The following SNX29 variants were observed in gnomAD, a reference collection of about 807,000 sequenced individuals.
SNX29 encodes the protein sorting nexin 29.
In SNX29, 78 loss-of-function variants were observed where a neutral mutation model predicts 102.1. The ratio of observed to expected loss-of-function variants is 0.76; its 90% CI spans 0.64 to 0.92. The LOEUF is 0.92. SNX29 is among the 40% of genes least tolerant of loss of function. The pLI is 0.00. For missense variants in SNX29, 1,280 were observed against 1,061.7 expected (o/e 1.21, Z -2.86); for synonymous variants, 580 against 414.5 (o/e 1.40, Z -4.85).
At chr16:12,085,353 G>A (rs981810538) in intron 11 of SNX29, among the ~76,000 whole-genome samples, 8 of 152,186 alleles carry the variant, frequency 5.3e-5, no homozygotes, top group Admixed American at 6.5e-5. Context: ...TTTGGACGGC[G>A]TCTCGCTCTG....
intron 14 of SNX29, among the ~76,000 whole-genome samples, chr16:12,247,212 A>T (rs770049753): frequency 4.6e-5 from 7 of 152,190 alleles, no homozygotes; most frequent in Non-Finnish European, 1.0e-4. Flanking sequence ...TATAGCAGTC[A>T]TCTTAGCAAG....
Position 12,030,833 on chromosome 16 carries a change from T to G in SNX29, c.247+3389T>G, listed in dbSNP as rs143389603. Among the ~76,000 whole-genome samples the G allele has an allele frequency of 4.2e-3, 647 of 152,310 alleles. 7 individuals are homozygous for G. The highest frequency in any genetic ancestry group is 0.015 in the African/African-American group (606 of 41,580). ...GTTCTACCTCTTATGCCGTGCTGTATGCCAGGGCTGACAGGCAGCGGCAGG... is the reference window on the plus strand; with the variant it reads ...GTTCTACCTCTTATGCCGTGCTGTAGGCCAGGGCTGACAGGCAGCGGCAGG... On this transcript the variant is annotated intron_variant, in intron 4 of 20. Transcript: ENST00000566228.
intron 20 of SNX29, chr16:12,545,431 G>C (rs1353076397): frequency 6.6e-6 from 1 of 152,282 alleles, no homozygotes; most frequent in Non-Finnish European, 1.5e-5. Context: ...CCACCCCTAG[G>C]ATTGTTCCTT....
chr16:12,008,513 C>T (rs1164422303), intron 3 of SNX29, among the ~76,000 whole-genome samples: 1 of 152,064 alleles, frequency 6.6e-6, no homozygotes, highest in Non-Finnish European at 1.5e-5. Context: ...AGGTGATCCT[C>T]CCGCCTCGGC....
chr16:12,311,407 A>G (rs2151136400), intron 15 of SNX29, among the ~76,000 whole-genome samples: 1 of 152,120 alleles, frequency 6.6e-6, no homozygotes. Flanking sequence ...GCCCATAGGG[A>G]CCTCCCAGGC....
chr16:12,250,516 C>T (rs2078390344), intron 14 of SNX29, among the ~76,000 whole-genome samples: 1 of 152,176 alleles, frequency 6.6e-6, no homozygotes, highest in South Asian at 2.1e-4. Context: ...CTGCAGGGCT[C>T]ATGAGCCTCT....
rs1288688165 is a variant in SNX29, at chr16:12,371,951, A to AG, written c.1899+15673dup. 3.3e-5 allele frequency among the ~76,000 whole-genome samples: 5 copies of AG among 152,160 alleles called. No homozygotes were observed. In the East Asian group the frequency reaches 9.6e-4, roughly 29 times the overall value. ...GCATTTTCACCATTTGTCTTTTAGAAGACATGGTTTAACATTTTTTCTAAG... is the reference window on the plus strand; with the variant it reads ...GCATTTTCACCATTTGTCTTTTAGAAGGACATGGTTTAACATTTTTTCTAAG... On this transcript the variant is annotated intron_variant, in intron 16 of 20. Transcript: ENST00000566228.
At chr16:12,281,941 G>A (rs1380395845) in intron 15 of SNX29, among the ~76,000 whole-genome samples, 5 of 151,966 alleles carry the variant, frequency 3.3e-5, no homozygotes, top group East Asian at 1.9e-4. Flanking sequence ...AAAATTAGCC[G>A]GTCATGGTGG....
At chr16:12,205,418 C>G (rs1420481954) in intron 14 of SNX29, among the ~76,000 whole-genome samples, 1 of 152,216 alleles carries the variant, frequency 6.6e-6, no homozygotes, top group Non-Finnish European at 1.5e-5. Flanking sequence ...CCAGTCCTGA[C>G]TTTTTGATGA....
At chr16:12,514,781 C>G (rs1487334595) in intron 19 of SNX29, among the ~76,000 whole-genome samples, 1 of 152,106 alleles carries the variant, frequency 6.6e-6, no homozygotes, top group Non-Finnish European at 1.5e-5. Flanking sequence ...AGGAGAATCA[C>G]TTGAACCGGG....
At chr16:12,448,521 A>G (rs1413302669) in intron 18 of SNX29, among the ~76,000 whole-genome samples, 2 of 145,592 alleles carry the variant, frequency 1.4e-5, no homozygotes, top group East Asian at 4.0e-4. Flanking sequence ...GACTGCAGTT[A>G]TTTTTCATGG....
intron 19 of SNX29, among the ~76,000 whole-genome samples, chr16:12,506,448 G>GA (rs2089383449): frequency 6.6e-6 from 1 of 152,210 alleles, no homozygotes; most frequent in Non-Finnish European, 1.5e-5. Context: ...ACAAGGCCAT[G>GA]AAGGGGATGT....
At chr16:12,390,914 A>G (rs1239856442) in intron 16 of SNX29, among the ~76,000 whole-genome samples, 1 of 151,666 alleles carries the variant, frequency 6.6e-6, no homozygotes, top group Middle Eastern at 3.2e-3. Flanking sequence ...AAAAACACTT[A>G]CTTAGAATGA....
chr16:12,433,074 G>A (rs2085380439), intron 18 of SNX29, among the ~76,000 whole-genome samples: 2 of 152,168 alleles, frequency 1.3e-5, no homozygotes, highest in Non-Finnish European at 2.9e-5. Context: ...GAGCCCCAGG[G>A]AAACAAAACC....
intron 13 of SNX29, among the ~76,000 whole-genome samples, chr16:12,181,235 G>A (rs1424562764): frequency 6.6e-6 from 1 of 152,246 alleles, no homozygotes; most frequent in African/African-American, 2.4e-5. Flanking sequence ...TGCTAAGGTT[G>A]AGGGCGTGCC....
At chr16:12,153,397 G>C (rs2055383104) in intron 13 of SNX29, among the ~76,000 whole-genome samples, 1 of 151,924 alleles carries the variant, frequency 6.6e-6, no homozygotes, top group South Asian at 2.1e-4. Context: ...GTACAGTCTG[G>C]AGGCCCCTGG....
chr16:12,483,125 T>TTTTTTTTG (rs1192636676), intron 19 of SNX29, among the ~76,000 whole-genome samples: 2 of 127,988 alleles, frequency 1.6e-5, no homozygotes, highest in African/African-American at 3.1e-5. Flanking sequence ...TTTTTTTTTT[T>TTTTTTTTG]TTTTTTTTTT....
chr16:12,169,833 G>T (rs1647578724), intron 13 of SNX29, among the ~76,000 whole-genome samples: 1 of 152,018 alleles, frequency 6.6e-6, no homozygotes, highest in Non-Finnish European at 1.5e-5. Context: ...CTGCACTCCA[G>T]CCTGGGGACC....
intron 20 of SNX29, among the ~76,000 whole-genome samples, chr16:12,553,375 C>T (rs997812919): frequency 6.6e-6 from 1 of 152,196 alleles, no homozygotes; most frequent in Admixed American, 6.5e-5. Flanking sequence ...GCCAGACATG[C>T]TCTCAAGTTG....
Sources: allele counts gnomAD v4.1 joint callset (sites outside exome capture counted in the v4.1 genomes callset), GRCh38; gene constraint gnomAD v4.1.1; transcripts MANE v1.5; gene names NCBI Gene and HGNC (gene_info 2026-07-23, HGNC 2026-07-21).